UGCG: variants seen among roughly 807,000 people sequenced by gnomAD.
The protein encoded by UGCG is UDP-glucose ceramide glucosyltransferase.
Under a neutral mutation model 49.5 loss-of-function variants are expected in UGCG, and 10 were observed. The ratio of observed to expected loss-of-function variants is 0.20; its 90% confidence interval spans 0.12 to 0.34. The LOEUF (loss-of-function observed/expected upper bound fraction) is 0.34, where lower values mean the gene tolerates loss of function less well. Among genes scored for constraint, UGCG ranks in the 10% least tolerant of loss-of-function variants. The pLI is 1.00. For synonymous variants in UGCG, 182 were observed against 158.2 expected, an observed-to-expected ratio of 1.15 and a Z score of -1.13; for missense variants, 312 against 483.7, an observed-to-expected ratio of 0.65 and a Z score of 3.33.
intron 8 of UGCG, 76 bp downstream of exon 8, chr9:111,932,435 GA>G (rs770455838): frequency 1.1e-5 from 16 of 1,408,378 alleles, no homozygotes; most frequent in Non-Finnish European, 1.4e-5. Context: ...AAAGTTGAAG[GA>G]AATGTATCTG....
intron 2 of UGCG, among the ~76,000 whole-genome samples, chr9:111,922,214 A>G (rs935915717): frequency 6.6e-6 from 1 of 152,116 alleles, no homozygotes; most frequent in Non-Finnish European, 1.5e-5. Flanking sequence ...AGTTGTAGGT[A>G]TTTTCATAGT....
intron 5 of UGCG, 38 bp downstream of exon 5, chr9:111,926,534 G>A (rs1589528427): frequency 6.8e-7 from 1 of 1,473,394 alleles, no homozygotes. Flanking sequence ...CATAGTATCA[G>A]ACCCCTCATT....
intron 1 of UGCG, among the ~76,000 whole-genome samples, chr9:111,905,393 T>C (rs1234651812): frequency 1.3e-5 from 2 of 152,164 alleles, no homozygotes; most frequent in African/African-American, 4.8e-5. Context: ...TTCTGTCACT[T>C]TACTTGCATC....
intron 1 of UGCG, among the ~76,000 whole-genome samples, chr9:111,912,585 TA>T (rs753260287): frequency 0.017 from 2,362 of 138,576 alleles, 64 homozygotes; most frequent in African/African-American, 0.057. Flanking sequence ...CTTAAAAAAA[TA>T]AAAAAAAAAA....
chr9:111,897,307 T>A lies in UGCG; in HGVS notation c.92T>A (p.Ile31Asn). The change falls in exon 1 of 9, where the codon ATC becomes AAC. Residue 31 changes from isoleucine to asparagine, a missense_variant. Around this residue, in one of 4 missense-constraint regions of UGCG, gnomAD observed 65 missense variants for 74.7 expected, o/e 0.87. Transcript: ENST00000374279. ...VLWLMHFMAI[I>N]YTRLHLNKKA... is the part of the protein sequence containing the mutation. ...TGGCTGATGCATTTCATGGCTATCA[T>A]CTACACGTGAGTGAGGGACCGCAGG... The A allele has an allele frequency of 6.4e-7, 1 of 1,555,494 alleles. No individual in the cohort carries two copies. The highest frequency in any genetic ancestry group is 8.7e-7 in the Non-Finnish European group (1 of 1,150,174).
intron 4 of UGCG, among the ~76,000 whole-genome samples, chr9:111,925,628 G>A (rs370240787): frequency 6.6e-6 from 1 of 152,188 alleles, no homozygotes; most frequent in African/African-American, 2.4e-5. Context: ...CCTAGAATGA[G>A]TATTTAAGGT....
At chr9:111,912,385 C>G (rs1838026826) in intron 1 of UGCG, among the ~76,000 whole-genome samples, 1 of 151,994 alleles carries the variant, frequency 6.6e-6, no homozygotes, top group African/African-American at 2.4e-5. Flanking sequence ...CGAGACCAGC[C>G]TGGCCAACAT....
At chr9:111,915,702 T>C (rs1564201209) in intron 2 of UGCG, 8 of 796,352 alleles carry the variant, frequency 1.0e-5, no homozygotes, top group Non-Finnish European at 6.1e-6. Flanking sequence ...GAAGATGATA[T>C]GCGCACTACA....
intron 6 of UGCG, 55 bp from the exon 7 acceptor site, chr9:111,931,216 T>TA: frequency 6.4e-7 from 1 of 1,552,678 alleles, no homozygotes; most frequent in Admixed American, 1.7e-5. Context: ...CATAACCAGT[T>TA]ACGCTTGCAT....
At chr9:111,906,542 G>A (rs1414189929) in intron 1 of UGCG, among the ~76,000 whole-genome samples, 2 of 152,094 alleles carry the variant, frequency 1.3e-5, no homozygotes, top group Non-Finnish European at 2.9e-5. Flanking sequence ...TGATTCTCCT[G>A]CCTCAGCCTC....
Position 111,922,857 on chromosome 9 carries a change from G to T in UGCG, c.249G>T (p.Val83=), listed in dbSNP as rs36015756. Residue 83 remains valine, a synonymous_variant, in exon 3 of 9, where the codon GTG becomes GTT. Coordinates refer to ENST00000374279, the MANE Select transcript of UGCG (RefSeq NM_003358.3). ...FFELDYPKYE[V]LLCVQDHDDP... is the part of the protein sequence containing the mutation. ...CAATGCTTTTTGACTAGTATGAAGT[G>T]CTCCTTTGTGTACAAGATCATGATG... 1.1e-5 allele frequency: 17 copies of T among 1,609,488 alleles called. No individual in the cohort carries two copies. The South Asian group carries it at 1.8e-4, about 17-fold the overall frequency.
chr9:111,904,167 A>G (rs193161894), intron 1 of UGCG, among the ~76,000 whole-genome samples: 2 of 152,324 alleles, frequency 1.3e-5, no homozygotes, highest in East Asian at 3.9e-4. Flanking sequence ...CCCACAGTTC[A>G]TCACTTCATT....
chr9:111,921,792 C>T (rs1034436822), intron 2 of UGCG, among the ~76,000 whole-genome samples: 1 of 108,858 alleles, frequency 9.2e-6, no homozygotes, highest in Non-Finnish European at 2.0e-5. Context: ...AAAATAAATG[C>T]CCCAGGGTGA....
At chr9:111,899,913 T>C (rs1837736573) in intron 1 of UGCG, among the ~76,000 whole-genome samples, 1 of 152,204 alleles carries the variant, frequency 6.6e-6, no homozygotes, top group African/African-American at 2.4e-5. Flanking sequence ...AATTCTGCTT[T>C]ATACTTGGGT....
chr9:111,922,219 CATAGTTA>C (rs1274162263), intron 2 of UGCG, among the ~76,000 whole-genome samples: 1 of 152,118 alleles, frequency 6.6e-6, no homozygotes, highest in Non-Finnish European at 1.5e-5. Flanking sequence ...TAGGTATTTT[CATAGTTA>C]CAAGGCTAAG....
At chr9:111,900,045 A>T (rs367989876) in intron 1 of UGCG, among the ~76,000 whole-genome samples, 10 of 152,020 alleles carry the variant, frequency 6.6e-5, no homozygotes, top group African/African-American at 2.2e-4. Context: ...CAAGAGTCTT[A>T]TTGTTGAGAT....
At chr9:111,912,270 AGTT>A (rs1337904841) in intron 1 of UGCG, among the ~76,000 whole-genome samples, 6 of 151,922 alleles carry the variant, frequency 3.9e-5, no homozygotes, top group Non-Finnish European at 5.9e-5. Context: ...ATGGCAAAGC[AGTT>A]GTTCTTTAAA....
chr9:111,920,417 A>G (rs1042767976), intron 2 of UGCG, among the ~76,000 whole-genome samples: 1 of 152,002 alleles, frequency 6.6e-6, no homozygotes, highest in Non-Finnish European at 1.5e-5. Flanking sequence ...GCTGGAGTAC[A>G]GTGGCGCAAT....
At chr9:111,911,935 T>TATATATATATTCAACAGG (rs1838010870) in intron 1 of UGCG, among the ~76,000 whole-genome samples, 3 of 27,116 alleles carry the variant, frequency 1.1e-4, no homozygotes, top group African/African-American at 3.3e-4. Context: ...TATATATATA[T>TATATATATATTCAACAGG]ATATATATAT....
Sources: gnomAD v4.1 joint callset for allele counts (sites outside exome capture counted in the v4.1 genomes callset) on GRCh38, gnomAD v4.1.1 for gene constraint, gnomAD v4.1.1 regional missense constraint, MANE v1.5 for transcripts, NCBI Gene and HGNC (gene_info 2026-07-23, HGNC 2026-07-21) for gene names.